The following DMD variants were observed in gnomAD, a reference collection of about 807,000 sequenced individuals.
DMD encodes the protein dystrophin.
Under a neutral mutation model 330.1 loss-of-function variants are expected in DMD, and 63 were observed. The ratio of observed to expected loss-of-function variants is 0.19; its 90% CI spans 0.16 to 0.24. The LOEUF (loss-of-function observed/expected upper bound fraction) is 0.24, where lower values mean the gene tolerates loss of function less well. Among genes scored for constraint, DMD ranks in the 10% least tolerant of loss-of-function variants. The pLI is 1.00. For missense variants in DMD, 3,344 were observed against 2,684.1 expected (o/e 1.25, Z -5.43); for synonymous variants, 1,223 against 959.8 (o/e 1.27, Z -5.07).
intron 50 of DMD, among the ~76,000 whole-genome samples, chrX:31,787,589 A>C (rs1368132287): frequency 9.0e-6 from 1 of 111,329 alleles, no homozygotes; most frequent in Non-Finnish European, 1.9e-5. Context: ...CCTGTAACTA[A>C]AAGACCCATG....
chrX:33,322,492 T>C (rs2054030240), intron 1 of DMD, among the ~76,000 whole-genome samples: 1 of 111,368 alleles, frequency 9.0e-6, no homozygotes, highest in Non-Finnish European at 1.9e-5. Flanking sequence ...AAAATGACAA[T>C]AGTAACTTCA....
At chrX:32,224,525 A>G (rs1051595475) in intron 43 of DMD, among the ~76,000 whole-genome samples, 3 of 111,705 alleles carry the variant, frequency 2.7e-5, no homozygotes, top group African/African-American at 9.7e-5. Flanking sequence ...CATCTGTCCC[A>G]ATTTTGATCT....
At chrX:32,625,566 T>G (rs758065138) in intron 11 of DMD, among the ~76,000 whole-genome samples, 1 of 112,139 alleles carries the variant, frequency 8.9e-6, no homozygotes, top group East Asian at 2.8e-4. Context: ...TAAACATTAA[T>G]AGCATTTTTT....
intron 44 of DMD, among the ~76,000 whole-genome samples, chrX:32,063,068 A>G (rs779440357): frequency 1.3e-3 from 139 of 110,807 alleles, no homozygotes; most frequent in African/African-American, 4.3e-3. Context: ...CATTCAATTA[A>G]GTCAATTCAG....
At chrX:32,148,349 T>G (rs188625911) in intron 44 of DMD, among the ~76,000 whole-genome samples, 12 of 111,659 alleles carry the variant, frequency 1.1e-4, no homozygotes, top group Admixed American at 2.9e-4. Context: ...AGAAAAACAT[T>G]GTTAAAGAAT....
intron 47 of DMD, among the ~76,000 whole-genome samples, chrX:31,900,414 A>G (rs2094406009): frequency 9.0e-6 from 1 of 111,087 alleles, no homozygotes; most frequent in South Asian, 3.8e-4. Context: ...GTTTCCCTCC[A>G]AAAGCTCTCT....
At chrX:32,738,582 T>C (rs1302458469) in intron 7 of DMD, among the ~76,000 whole-genome samples, 1 of 111,654 alleles carries the variant, frequency 9.0e-6, no homozygotes, top group East Asian at 2.8e-4. Flanking sequence ...ATCAGGTTTC[T>C]TTTCTTGGAC....
chrX:32,087,588 G>A (rs1457286794), intron 44 of DMD, among the ~76,000 whole-genome samples: 2 of 111,877 alleles, frequency 1.8e-5, no homozygotes, highest in Non-Finnish European at 3.8e-5. Context: ...TGACCCGCTA[G>A]TCCGAGTCAA....
intron 12 of DMD, among the ~76,000 whole-genome samples, chrX:32,606,950 C>T (rs1267581948): frequency 1.8e-5 from 2 of 108,983 alleles, no homozygotes; most frequent in Non-Finnish European, 3.9e-5. Flanking sequence ...TACACACGGA[C>T]ATCTAGAGTG....
rs1321250419 is a variant in DMD at position 31,581,365 on chromosome X, T to C, written c.8217+46308A>G. Among the ~76,000 whole-genome samples the C allele has an allele frequency of 2.7e-5, 3 of 112,439 alleles. No individual in the cohort carries two copies. The East Asian group carries it at 8.3e-4, about 31-fold the overall frequency. On this transcript the variant is annotated intron_variant, in intron 55 of 78. Coordinates refer to ENST00000357033, the MANE Select transcript of DMD (RefSeq NM_004006.3). ...AACCTAGTTTGAAAACTTCCAGGTC[T>C]ATTTAGCACATGTCGTAGTGTGGCT...
intron 1 of DMD, among the ~76,000 whole-genome samples, chrX:33,063,904 T>TG (rs1409661278): frequency 1.8e-5 from 2 of 112,059 alleles, no homozygotes; most frequent in African/African-American, 6.5e-5. Context: ...CACTAGCACT[T>TG]GTTCCCTGTA....
chrX:32,391,796 T>G (rs1395696578), intron 30 of DMD, among the ~76,000 whole-genome samples: 1 of 111,577 alleles, frequency 9.0e-6, no homozygotes, highest in African/African-American at 3.3e-5. Flanking sequence ...ACGGAGGATG[T>G]CATAAGGGAG....
chrX:32,114,198 CAT>C (rs1001651721), intron 44 of DMD, among the ~76,000 whole-genome samples: 30 of 111,557 alleles, frequency 2.7e-4, no homozygotes, highest in Non-Finnish European at 9.4e-5. Context: ...ATATCATGGG[CAT>C]AACAACTGAA....
chrX:32,229,710 AT>A (rs1417485556), intron 43 of DMD, among the ~76,000 whole-genome samples: 1 of 83,474 alleles, frequency 1.2e-5, no homozygotes, highest in African/African-American at 4.4e-5. Flanking sequence ...ATATATATAT[AT>A]ATATATATAT....
chrX:32,486,016 C>T (rs774659306), intron 20 of DMD, among the ~76,000 whole-genome samples: 5 of 110,286 alleles, frequency 4.5e-5, no homozygotes, highest in African/African-American at 1.6e-4. Context: ...GCTGGGATTA[C>T]AGGTGTGAGC....
At chrX:31,694,930 A>G (rs947139345) in intron 52 of DMD, among the ~76,000 whole-genome samples, 4 of 109,959 alleles carry the variant, frequency 3.6e-5, no homozygotes, top group African/African-American at 1.3e-4. Flanking sequence ...TACATACTCA[A>G]AAGAAAAGGA....
chrX:32,339,202 C>T (rs936905565), intron 41 of DMD, among the ~76,000 whole-genome samples: 5 of 111,281 alleles, frequency 4.5e-5, no homozygotes, highest in Non-Finnish European at 9.4e-5. Flanking sequence ...GATCATACAG[C>T]ACTCAAAGTC....
chrX:32,679,902 C>CTTTTTTTTTTTTTTTTTTTTTTTTTTTT lies in DMD; in HGVS notation c.960+17940_960+17967dup, dbSNP rs766270656. Among the ~76,000 whole-genome samples the CTTTTTTTTTTTTTTTTTTTTTTTTTTTT allele has an allele frequency of 8.5e-5, 2 of 23,580 alleles. 1 individual carries two copies. The highest frequency in any genetic ancestry group is 3.6e-4 in the African/African-American group (2 of 5,630). 20.5% of individuals were successfully genotyped at this position (23,580 alleles called of 115,157 possible). On this transcript the variant is annotated intron_variant, in intron 9 of 78. Coordinates refer to ENST00000357033, the MANE Select transcript of DMD (RefSeq NM_004006.3). ...TGTTCGTTTCGCTCTAATATTTGTACTTTTTTTTTTTTTTTTTTTTTTTTT... is the reference window on the plus strand; with the variant it reads ...TGTTCGTTTCGCTCTAATATTTGTACTTTTTTTTTTTTTTTTTTTTTTTTTTTTTTTTTTTTTTTTTTTTTTTTTTTTT...
At chrX:31,689,627 T>A (rs1365898968) in intron 52 of DMD, among the ~76,000 whole-genome samples, 1 of 111,030 alleles carries the variant, frequency 9.0e-6, no homozygotes, top group East Asian at 2.8e-4. Flanking sequence ...TACTTTAAAG[T>A]TCATATGGAA....
Sources: gnomAD v4.1 joint callset for allele counts (sites outside exome capture counted in the v4.1 genomes callset) on GRCh38, gnomAD v4.1.1 for gene constraint, MANE v1.5 for transcripts, NCBI Gene and HGNC (gene_info 2026-07-23, HGNC 2026-07-21) for gene names.